CNGB1: variants seen among roughly 807,000 people sequenced by gnomAD.
CNGB1 encodes cyclic nucleotide-gated channel beta-1.
A neutral mutation model predicts 151.7 loss-of-function variants in CNGB1; 126 were observed. The observed-to-expected ratio is 0.83, with a 90% CI of 0.72 to 0.96. The LOEUF (loss-of-function observed/expected upper bound fraction) is 0.96, where lower values mean the gene tolerates loss of function less well. CNGB1 is among the 40% of genes least tolerant of loss of function. The pLI is 0.00. For synonymous variants in CNGB1, 623 were observed against 635.1 expected, an observed-to-expected ratio of 0.98 and a Z score of 0.29; for missense variants, 1,698 against 1,627.0, an observed-to-expected ratio of 1.04 and a Z score of -0.75.
chr16:57,964,723 C>T (rs1453754975), intron 2 of CNGB1, among the ~76,000 whole-genome samples, 179 bp from the exon 3 acceptor site: 1 of 152,194 alleles, frequency 6.6e-6, no homozygotes, highest in Non-Finnish European at 1.5e-5. Flanking sequence ...CTCCCTTCCT[C>T]CTAGCCCCAG....
In CNGB1 at chr16:57,901,362, A is replaced by G. The variant is rs576228876; in HGVS notation, c.2966T>C (p.Val989Ala). Residue 989 changes from valine (V) to alanine (A), a missense_variant, in exon 29 of 33, where the codon GTG (valine) becomes GCG (alanine). Val to Ala is a moderately conservative substitution (Grantham distance 64). Coordinates refer to ENST00000251102, the MANE Select transcript of CNGB1 (RefSeq NM_001297.5). ...GCCAGGCCAGCTCACCTTCTTGCAC[A>G]CATAGTCGTTGGGCAGGTAGACAAC... ...RSVVYLPNDY[V>A]CKKGEIGREM... is the part of the protein sequence containing the mutation. The G allele has an allele frequency of 1.2e-6, 2 of 1,614,020 alleles. No homozygotes were observed. Among genetic ancestry groups the G allele is most frequent in the Non-Finnish European group, 1.7e-6 (2 of 1,180,024 alleles).
chr16:57,947,826 T>A (rs1279380503), intron 14 of CNGB1, among the ~76,000 whole-genome samples: 1 of 152,202 alleles, frequency 6.6e-6, no homozygotes, highest in Non-Finnish European at 1.5e-5. Flanking sequence ...ACAACTTCCA[T>A]CATCACCGCT....
intron 17 of CNGB1, among the ~76,000 whole-genome samples, chr16:57,930,822 T>C (rs1327373839): frequency 6.6e-6 from 1 of 151,598 alleles, no homozygotes; most frequent in East Asian, 1.9e-4. Context: ...AAACAGAAAG[T>C]AGAATGAAAA....
intron 31 of CNGB1, among the ~76,000 whole-genome samples, chr16:57,892,851 T>C (rs1318024619): frequency 1.3e-5 from 2 of 152,194 alleles, no homozygotes; most frequent in Admixed American, 1.3e-4. Flanking sequence ...AAATGCCACC[T>C]GCTCAGAGCA....
rs771516791 is a variant in CNGB1 at position 57,950,380 on chromosome 16, C to T, written c.1034+1G>A. 6.2e-7 allele frequency: 1 copy of T among 1,614,098 alleles called. No homozygotes were observed. The highest frequency in any genetic ancestry group is 1.3e-5 in the African/African-American group (1 of 74,928). On this transcript the variant is annotated splice_donor_variant, in intron 13 of 32. Coordinates refer to ENST00000251102, the MANE Select transcript of CNGB1 (RefSeq NM_001297.5). LOFTEE classifies it high-confidence loss of function. ...TTTTAGGGTCTTCTCAGACTCCCCA[C>T]CTGGGCATCTTCTCCACAGCTTTGT...
chr16:57,934,223 G>C (rs1434822389), intron 16 of CNGB1, among the ~76,000 whole-genome samples: 1 of 152,108 alleles, frequency 6.6e-6, no homozygotes, highest in Non-Finnish European at 1.5e-5. Flanking sequence ...GGAAGGCTGA[G>C]GTGGAAGGAT....
chr16:57,931,755 T>C lies in CNGB1; in HGVS notation c.1496A>G (p.Asp499Gly), dbSNP rs770589962. The change falls in exon 17 of 33, where the codon GAC becomes GGC. Residue 499 changes from aspartate (D) to glycine (G), a missense_variant. Coordinates refer to ENST00000251102, the MANE Select transcript of CNGB1 (RefSeq NM_001297.5). ...VLPPPSPAKSDTLIVPSSASG... is the reference protein window; with the variant it reads ...VLPPPSPAKSGTLIVPSSASG... ...GGCTGAGCTTGGGACTATAAGGGTG[T>C]CTGATTTGGCAGGAGACGGTGGCGG... is the stretch of plus-strand genomic sequence containing the variant. 1 of 1,614,064 alleles carries C rather than the reference T, an allele frequency of 6.2e-7. No individual in the cohort carries two copies. The highest frequency in any genetic ancestry group is 8.5e-7 in the Non-Finnish European group (1 of 1,180,020).
rs1452109117 is a variant in CNGB1 at position 57,882,396 on chromosome 16, C to T, written c.*1768G>A. 3 of 151,610 alleles carry T rather than the reference C, an allele frequency of 2.0e-5. No individual in the cohort carries two copies. The highest frequency in any genetic ancestry group is 4.9e-5 in the African/African-American group (2 of 41,206). 9.4% of individuals were successfully genotyped at this position (151,610 alleles called of 1,614,324 possible). On this transcript the variant is annotated 3_prime_UTR_variant, in exon 33 of 33. Transcript: ENST00000251102. ...ATCACTATATTCAATGTGATGATTA[C>T]CCGGATCACGTGACAAGCCATCAAC...
intron 23 of CNGB1, 125 bp downstream of exon 23, chr16:57,915,124 C>T (rs1377255967): frequency 5.6e-6 from 4 of 712,078 alleles, no homozygotes; most frequent in Non-Finnish European, 9.7e-6. Flanking sequence ...AAATGCATCT[C>T]CCCTCGGGCC....
chr16:57,897,041 C>A (rs193048924), intron 31 of CNGB1, among the ~76,000 whole-genome samples: 3 of 152,280 alleles, frequency 2.0e-5, no homozygotes, highest in Non-Finnish European at 4.4e-5. Flanking sequence ...CAGTGGCTCA[C>A]ACCTGTAACC....
intron 25 of CNGB1, among the ~76,000 whole-genome samples, chr16:57,908,756 G>C (rs899828870): frequency 6.6e-6 from 1 of 152,138 alleles, no homozygotes; most frequent in Non-Finnish European, 1.5e-5. Context: ...CATCCTGTGC[G>C]CATCCCTCCT....
intron 12 of CNGB1, among the ~76,000 whole-genome samples, chr16:57,952,829 G>GA (rs1567393486): frequency 3.9e-5 from 6 of 152,198 alleles, no homozygotes; most frequent in African/African-American, 1.4e-4. Context: ...TCCGCAGCAG[G>GA]CCTGCAAGAT....
chr16:57,920,453 T>C lies in CNGB1; in HGVS notation c.1735A>G (p.Thr579Ala). Reference sequence around the variant, plus strand: ...ATGAGTTTCTCCTTCACTTTCTCTGTCCGCTCCTTGAAGAGCTTCACCAGC... The same window carrying C: ...ATGAGTTTCTCCTTCACTTTCTCTGCCCGCTCCTTGAAGAGCTTCACCAGC... ...QELVKLFKER[T>A]EKVKEKLIDP... The change falls in exon 19 of 33, where the codon ACA becomes GCA. Residue 579 changes from threonine (T) to alanine (A), a missense_variant. Physicochemically the swap from Thr to Ala is moderately conservative, Grantham distance 58 (BLOSUM62 0). Coordinates refer to ENST00000251102, the MANE Select transcript of CNGB1 (RefSeq NM_001297.5). 1 of 1,614,200 alleles carries C rather than the reference T, an allele frequency of 6.2e-7. No individual in the cohort carries two copies. The highest frequency in any genetic ancestry group is 1.1e-5 in the South Asian group (1 of 91,082).
At chr16:57,921,751 G>A (rs373693711) in intron 18 of CNGB1, among the ~76,000 whole-genome samples, 3 of 152,214 alleles carry the variant, frequency 2.0e-5, no homozygotes, top group African/African-American at 4.8e-5. Flanking sequence ...GTGGTGACCA[G>A]TGGGACATGG....
chr16:57,955,868 G>C (rs1320786577), intron 12 of CNGB1, among the ~76,000 whole-genome samples: 1 of 152,196 alleles, frequency 6.6e-6, no homozygotes, highest in Non-Finnish European at 1.5e-5. Context: ...AGCCAACCCT[G>C]CTAAAGCCTT....
In CNGB1 at chr16:57,904,931, C is replaced by CT. The variant is rs372263791; in HGVS notation, c.2493-57_2493-56insA. ...CATCACAGGCCCCACTCTGCCGCCC[C>CT]GAGCAGTCTGGCTCAGACGCCTCTG... On this transcript the variant is annotated intron_variant, in intron 25 of 32. Transcript: ENST00000251102. The CT allele has an allele frequency of 3.7e-3, 5,901 of 1,610,928 alleles. 35 individuals are homozygous for CT. Among genetic ancestry groups the CT allele is most frequent in the South Asian group, 0.012 (1,136 of 90,884 alleles).
intron 26 of CNGB1, among the ~76,000 whole-genome samples, chr16:57,904,438 C>A (rs1960482205): frequency 6.6e-6 from 1 of 152,148 alleles, no homozygotes. Flanking sequence ...GCTGCCCTGG[C>A]ACACCAGAAA....
intron 17 of CNGB1, among the ~76,000 whole-genome samples, chr16:57,931,309 T>C (rs1323075102): frequency 6.6e-6 from 1 of 152,034 alleles, no homozygotes; most frequent in Admixed American, 6.5e-5. Context: ...TGAGCCACTA[T>C]GCCTAGCTAA....
At chr16:57,914,933 T>TG (rs11421132) in intron 23 of CNGB1, among the ~76,000 whole-genome samples, 73,390 of 151,488 alleles carry the variant, frequency 0.48, 17,830 homozygotes, top group East Asian at 0.58. Flanking sequence ...TGGAGACAGA[T>TG]GACCTGCATT....
Sources: allele counts gnomAD v4.1 joint callset (sites outside exome capture counted in the v4.1 genomes callset), GRCh38; gene constraint gnomAD v4.1.1; transcripts MANE v1.5; gene names NCBI Gene and HGNC (gene_info 2026-07-23, HGNC 2026-07-21).